ABCA1: variants seen among roughly 807,000 people sequenced by gnomAD.
The protein encoded by ABCA1 is ATP binding cassette subfamily A member 1.
In ABCA1, 133 loss-of-function variants were observed where a neutral mutation model predicts 262.5. The observed-to-expected ratio is 0.51, with a 90% CI of 0.44 to 0.59. The LOEUF (loss-of-function observed/expected upper bound fraction) is 0.59, where lower values mean the gene tolerates loss of function less well. Among genes scored for constraint, ABCA1 ranks in the 20% least tolerant of loss-of-function variants. The probability of loss-of-function intolerance (pLI) is 0.00; values close to 1 mark genes in which losing one functional copy is unlikely to be tolerated. For synonymous variants in ABCA1, 1,022 were observed against 1,043.5 expected (o/e 0.98, Z 0.40); for missense variants, 2,452 against 2,777.5 (o/e 0.88, Z 2.63).
chr9:104,862,855 G>C (rs1443625954), intron 5 of ABCA1, among the ~76,000 whole-genome samples: 1 of 149,370 alleles, frequency 6.7e-6, no homozygotes, highest in Non-Finnish European at 1.5e-5. Context: ...AACACTGGCA[G>C]AGTGCATTAC....
intron 7 of ABCA1, among the ~76,000 whole-genome samples, chr9:104,853,616 A>C (rs1025299890): frequency 5.9e-5 from 9 of 152,078 alleles, no homozygotes; most frequent in Non-Finnish European, 1.0e-4. Flanking sequence ...AAGCAGACAT[A>C]CAATAAACAC....
intron 2 of ABCA1, among the ~76,000 whole-genome samples, chr9:104,898,690 C>T (rs527952385): frequency 7.0e-4 from 107 of 152,212 alleles, no homozygotes; most frequent in African/African-American, 2.5e-3. Flanking sequence ...TTATTCACTC[C>T]ACCAGTGCCA....
Position 104,837,500 on chromosome 9 carries a change from A to T in ABCA1, c.1122T>A (p.Ala374=), listed in dbSNP as rs1322234141. The T allele has an allele frequency of 5.0e-6, 8 of 1,614,176 alleles. No individual in the cohort carries two copies. In the East Asian group the frequency reaches 1.8e-4, roughly 36 times the overall value. The part of the protein sequence containing the change: ...SSPLSRIIWK[A]LKPLLVGKIL... ...TCTTCCCAACGAGCAGCGGCTTCAGAGCTTTCCAGATAATGCGGGAAAGAG... is the reference window on the plus strand; with the variant it reads ...TCTTCCCAACGAGCAGCGGCTTCAGTGCTTTCCAGATAATGCGGGAAAGAG... Residue 374 remains alanine, a synonymous_variant, in exon 10 of 50, where the codon GCT becomes GCA. Coordinates refer to ENST00000374736, the MANE Select transcript of ABCA1 (RefSeq NM_005502.4).
chr9:104,861,608 C>A, intron 6 of ABCA1, 71 bp downstream of exon 6: 1 of 1,597,766 alleles, frequency 6.3e-7, no homozygotes, highest in Non-Finnish European at 8.6e-7. Flanking sequence ...AGGGTTTATT[C>A]ATTTCTTTCC....
chr9:104,917,219 C>A (rs12336969), intron 1 of ABCA1, among the ~76,000 whole-genome samples: 17,096 of 152,190 alleles, frequency 0.11, 1,187 homozygotes, highest in African/African-American at 0.2. Flanking sequence ...AAATATGGAA[C>A]CATGAACAAG....
intron 5 of ABCA1, among the ~76,000 whole-genome samples, chr9:104,875,852 T>G (rs1318449823): frequency 6.6e-6 from 1 of 152,154 alleles, no homozygotes; most frequent in East Asian, 1.9e-4. Flanking sequence ...GCGGTGTGTA[T>G]GTACCCCCAG....
At position 104,858,566 on chromosome 9, in the gene ABCA1, C is replaced by T; in HGVS notation, c.676G>A (p.Glu226Lys). The T allele has an allele frequency of 6.2e-7, 1 of 1,614,202 alleles. No homozygotes were observed. Among genetic ancestry groups the T allele is most frequent in the Non-Finnish European group, 8.5e-7 (1 of 1,180,044 alleles). Residue 226 changes from glutamate (E) to lysine (K), a missense_variant, in exon 7 of 50, where the codon GAG (glutamate) becomes AAG (lysine). Glu to Lys is a moderately conservative substitution (Grantham distance 56). Around this residue, in one of 4 missense-constraint regions of ABCA1, gnomAD observed 1,032 missense variants for 1,089.7 expected, o/e 0.95. Transcript: ENST00000374736. The stretch of plus-strand genomic sequence containing the variant: ...TCCATGTTGGAACGAAGTACTCGCT[C>T]TGCTGCAGCCAGTTTCTCCCTTGGT... ...GLPREKLAAA[E>K]RVLRSNMDIL...
chr9:104,919,154 C>CAG (rs1244849021), intron 1 of ABCA1, among the ~76,000 whole-genome samples: 4 of 152,156 alleles, frequency 2.6e-5, no homozygotes, highest in Non-Finnish European at 5.9e-5. Flanking sequence ...GACCTACCCC[C>CAG]AGTGAGGGTC....
chr9:104,903,006 T>C (rs1309087435), intron 2 of ABCA1, among the ~76,000 whole-genome samples: 1 of 152,206 alleles, frequency 6.6e-6, no homozygotes, highest in Non-Finnish European at 1.5e-5. Context: ...GAGTTCACTC[T>C]GCTCTACAGC....
chr9:104,824,331 A>C, intron 18 of ABCA1, 134 bp downstream of exon 18: 1 of 1,522,424 alleles, frequency 6.6e-7, no homozygotes, highest in East Asian at 2.4e-5. Context: ...GGAAAGGGAC[A>C]CTGCATGTGA....
chr9:104,891,811 C>T (rs1332611776), intron 2 of ABCA1, among the ~76,000 whole-genome samples: 2 of 148,068 alleles, frequency 1.4e-5, no homozygotes, highest in Non-Finnish European at 3.0e-5. Flanking sequence ...ACTAAAAATA[C>T]AAAATTAGCC....
Position 104,782,165 on chromosome 9 carries a change from T to C in ABCA1, c.*2150A>G, listed in dbSNP as rs947522259. On this transcript the variant is annotated 3_prime_UTR_variant, in exon 50 of 50. Transcript: ENST00000374736. ...AAACCATAACTTTGATTTTGAAAAA[T>C]ATTAAATGAGGAGAAATTATTCTAT... is the stretch of plus-strand genomic sequence containing the variant. 3 of 152,080 alleles carry C rather than the reference T, an allele frequency of 2.0e-5. No homozygotes were observed. Among genetic ancestry groups the C allele is most frequent in the Admixed American group, 6.5e-5 (1 of 15,278 alleles). The allele number at this position is 152,080 out of a possible 1,614,324, so 9.4% of individuals were successfully genotyped here.
intron 1 of ABCA1, among the ~76,000 whole-genome samples, chr9:104,923,324 G>A (rs1032643550): frequency 5.3e-5 from 8 of 152,140 alleles, no homozygotes; most frequent in African/African-American, 1.9e-4. Flanking sequence ...AACATTTTGA[G>A]ATCACACAGC....
At chr9:104,915,463 A>G (rs529333090) in intron 1 of ABCA1, among the ~76,000 whole-genome samples, 3 of 152,336 alleles carry the variant, frequency 2.0e-5, no homozygotes, top group African/African-American at 7.2e-5. Context: ...AAAGGGGAAT[A>G]AGATCACAAG....
intron 18 of ABCA1, among the ~76,000 whole-genome samples, chr9:104,823,256 C>T (rs887985862): frequency 2.6e-5 from 4 of 152,190 alleles, no homozygotes; most frequent in Non-Finnish European, 4.4e-5. Flanking sequence ...TGAGATATTT[C>T]TGCAGCTTGA....
intron 23 of ABCA1, among the ~76,000 whole-genome samples, chr9:104,818,279 A>G (rs1011820836): frequency 1.3e-5 from 2 of 152,192 alleles, no homozygotes; most frequent in Non-Finnish European, 2.9e-5. Flanking sequence ...TGCCTAATAA[A>G]TATTGGCTGT....
At chr9:104,907,245 C>T (rs1440722140) in intron 1 of ABCA1, among the ~76,000 whole-genome samples, 1 of 152,198 alleles carries the variant, frequency 6.6e-6, no homozygotes, top group Non-Finnish European at 1.5e-5. Flanking sequence ...TCAAGCACTG[C>T]TAGCCTGGCT....
At position 104,831,777 on chromosome 9, in the gene ABCA1, G is replaced by C. The variant is rs1240670240; in HGVS notation, c.1560C>G (p.Ile520Met). Reference protein sequence around the residue: ...LEPIATEVWLINKSMELLDER... With the variant: ...LEPIATEVWLMNKSMELLDER... ...CATCCAGCAGCTCCATGGACTTGTT[G>C]ATGAGCCAGACTTCTGTTGCTATGG... is the stretch of plus-strand genomic sequence containing the variant. The change falls in exon 13 of 50, where the codon ATC (isoleucine) becomes ATG (methionine). Residue 520 changes from isoleucine (I) to methionine (M), a missense_variant. Ile to Met is a conservative substitution (Grantham distance 10, BLOSUM62 1). This residue lies in a region of ABCA1 where 1,032 missense variants were observed against 1,089.7 expected (regional missense o/e 0.95). Coordinates refer to ENST00000374736, the MANE Select transcript of ABCA1 (RefSeq NM_005502.4). 6.2e-7 allele frequency: 1 copy of C among 1,614,202 alleles called. No homozygotes were observed. The highest frequency in any genetic ancestry group is 1.1e-5 in the South Asian group (1 of 91,088).
At chr9:104,900,419 C>T (rs1256411572) in intron 2 of ABCA1, among the ~76,000 whole-genome samples, 1 of 152,182 alleles carries the variant, frequency 6.6e-6, no homozygotes, top group African/African-American at 2.4e-5. Context: ...GTGCAATGAA[C>T]ATCCATACGC....
Sources: gnomAD v4.1 joint callset for allele counts (sites outside exome capture counted in the v4.1 genomes callset) on GRCh38, gnomAD v4.1.1 for gene constraint, gnomAD v4.1.1 regional missense constraint, MANE v1.5 for transcripts, NCBI Gene and HGNC (gene_info 2026-07-23, HGNC 2026-07-21) for gene names.